The following NRXN1 variants were observed in gnomAD, a reference collection of about 807,000 sequenced individuals.
NRXN1 encodes neurexin-1.
In NRXN1, 39 loss-of-function variants were observed where a neutral mutation model predicts 150.9. The ratio of observed to expected loss-of-function variants is 0.26; its 90% CI spans 0.20 to 0.34. NRXN1 has a LOEUF of 0.34. Ranked by LOEUF, NRXN1 falls within the 10% of genes least tolerant of loss-of-function variation. The pLI, the probability that NRXN1 is intolerant of heterozygous loss-of-function variation, is 1.00. For missense variants in NRXN1, 1,815 were observed against 1,949.9 expected (o/e 0.93, Z 1.30); for synonymous variants, 924 against 757.0 (o/e 1.22, Z -3.62).
intron 5 of NRXN1, among the ~76,000 whole-genome samples, chr2:50,908,536 G>A (rs1684064301): frequency 6.6e-6 from 1 of 151,988 alleles, no homozygotes; most frequent in African/African-American, 2.4e-5. Flanking sequence ...CTGACAATTA[G>A]AGCATGCCAA....
chr2:50,915,747 T>C (rs1169001348), intron 5 of NRXN1, among the ~76,000 whole-genome samples: 1 of 151,294 alleles, frequency 6.6e-6, no homozygotes, highest in Non-Finnish European at 1.5e-5. Flanking sequence ...CGTTTTAAAA[T>C]CATTTAATCC....
intron 21 of NRXN1, among the ~76,000 whole-genome samples, chr2:50,034,579 T>A (rs895586318): frequency 2.6e-5 from 4 of 151,880 alleles, no homozygotes; most frequent in Admixed American, 2.6e-4. Context: ...ATAGTCTGTA[T>A]AACCAACCCC....
intron 12 of NRXN1, among the ~76,000 whole-genome samples, chr2:50,514,258 G>A (rs1024248438): frequency 6.6e-6 from 1 of 152,008 alleles, no homozygotes; most frequent in South Asian, 2.1e-4. Context: ...GTATAAATTG[G>A]TTCTATATTT....
intron 12 of NRXN1, among the ~76,000 whole-genome samples, chr2:50,517,665 G>A (rs2092668566): frequency 6.6e-6 from 1 of 152,076 alleles, no homozygotes; most frequent in Non-Finnish European, 1.5e-5. Context: ...TAAACTTCAT[G>A]ATGCATACAG....
intron 17 of NRXN1, among the ~76,000 whole-genome samples, chr2:50,456,628 C>A (rs1312836119): frequency 1.3e-5 from 2 of 152,056 alleles, no homozygotes; most frequent in East Asian, 1.9e-4. Context: ...TTGAATTATT[C>A]CTTAATGCAA....
chr2:50,404,663 G>A (rs1046213118), intron 17 of NRXN1, among the ~76,000 whole-genome samples: 9 of 152,146 alleles, frequency 5.9e-5, no homozygotes, highest in African/African-American at 1.9e-4. Flanking sequence ...GAGAAAATAT[G>A]GATTTCAGAG....
Position 50,497,364 on chromosome 2 carries a change from T to G in NRXN1, c.2848A>C (p.Asn950His). 6.4e-7 allele frequency: 1 copy of G among 1,552,806 alleles called. No individual in the cohort carries two copies. The highest frequency in any genetic ancestry group is 8.7e-7 in the Non-Finnish European group (1 of 1,148,370). Residue 950 changes from asparagine (N) to histidine (H), a missense_variant, in exon 14 of 23, where the codon AAT becomes CAT. Around this residue, in one of 6 missense-constraint regions of NRXN1, gnomAD observed 339 missense variants for 440.3 expected, o/e 0.77. Coordinates refer to ENST00000401669, the MANE Select transcript of NRXN1 (RefSeq NM_001330078.2). ...GLILYNSGDGNDFIVVELVKG... is the reference protein window; with the variant it reads ...GLILYNSGDGHDFIVVELVKG... ...ACTAATTCAACCACAATAAAGTCAT[T>G]TCCATCCCCACTGTTATATAGAATT...
chr2:50,131,281 TA>T (rs1188859454), intron 18 of NRXN1, among the ~76,000 whole-genome samples: 2 of 152,220 alleles, frequency 1.3e-5, no homozygotes, highest in Admixed American at 1.3e-4. Context: ...CTTAAAAGGC[TA>T]GTGTTTCAAG....
chr2:50,535,118 T>C (rs2093221960), intron 10 of NRXN1, among the ~76,000 whole-genome samples: 1 of 152,172 alleles, frequency 6.6e-6, no homozygotes, highest in South Asian at 2.1e-4. Context: ...AGACAAGAAA[T>C]GGAAAATGCA....
At chr2:50,481,651 TAA>T (rs1018651623) in intron 15 of NRXN1, among the ~76,000 whole-genome samples, 4 of 151,938 alleles carry the variant, frequency 2.6e-5, no homozygotes, top group African/African-American at 9.7e-5. Flanking sequence ...CCCAAGAAGA[TAA>T]GAGTTTAGAC....
At chr2:49,978,164 CA>C (rs796680492) in intron 21 of NRXN1, among the ~76,000 whole-genome samples, 38 of 151,880 alleles carry the variant, frequency 2.5e-4, no homozygotes, top group African/African-American at 8.0e-4. Context: ...CCATCCCCCA[CA>C]AAAAAGAAAA....
intron 18 of NRXN1, among the ~76,000 whole-genome samples, chr2:50,156,949 T>C (rs575817900): frequency 6.6e-6 from 1 of 152,190 alleles, no homozygotes; most frequent in African/African-American, 2.4e-5. Context: ...TAACAACTAA[T>C]ATTTTCATTG....
At chr2:50,838,677 G>A (rs899851731) in intron 5 of NRXN1, among the ~76,000 whole-genome samples, 2 of 152,062 alleles carry the variant, frequency 1.3e-5, no homozygotes, top group African/African-American at 4.8e-5. Flanking sequence ...GGAGAAGCTG[G>A]CTGTATGACT....
intron 15 of NRXN1, among the ~76,000 whole-genome samples, chr2:50,479,361 A>T (rs760595336): frequency 7.2e-5 from 11 of 152,070 alleles, no homozygotes; most frequent in Non-Finnish European, 1.3e-4. Flanking sequence ...GGGGGACTCA[A>T]CTCAAACTCC....
intron 5 of NRXN1, among the ~76,000 whole-genome samples, chr2:50,767,816 AT>A (rs1054240806): frequency 2.6e-5 from 4 of 152,076 alleles, no homozygotes; most frequent in African/African-American, 7.2e-5. Flanking sequence ...ATTATTAATT[AT>A]TTTTTAAATT....
intron 21 of NRXN1, among the ~76,000 whole-genome samples, chr2:49,971,243 C>G (rs1677901942): frequency 6.6e-6 from 1 of 152,016 alleles, no homozygotes; most frequent in Admixed American, 6.6e-5. Flanking sequence ...GCCCTTGTAC[C>G]TTATCAATGC....
intron 17 of NRXN1, among the ~76,000 whole-genome samples, chr2:50,258,933 C>T (rs1198932925): frequency 6.6e-6 from 1 of 152,008 alleles, no homozygotes; most frequent in Admixed American, 6.6e-5. Flanking sequence ...CAATATTGGG[C>T]TCAAAGTGTT....
At position 51,027,431 on chromosome 2, in the gene NRXN1, A is replaced by T. The variant is rs1670683201; in HGVS notation, c.772+71T>A. 2.1e-6 allele frequency: 3 copies of T among 1,430,308 alleles called. No individual in the cohort carries two copies. In the East Asian group the frequency reaches 7.5e-5, roughly 36 times the overall value. The allele number at this position is 1,430,308 out of a possible 1,614,324, so 88.6% of individuals were successfully genotyped here. Reference sequence around the variant, plus strand: ...TGCCAAGATTAGGAAGACCCCATGCACCAGCCCGGTCCCCTCCTCCCCGAG... The same window carrying T: ...TGCCAAGATTAGGAAGACCCCATGCTCCAGCCCGGTCCCCTCCTCCCCGAG... On this transcript the variant is annotated intron_variant, in intron 2 of 22. Transcript: ENST00000401669.
At chr2:50,076,943 T>G (rs1164725284) in intron 19 of NRXN1, among the ~76,000 whole-genome samples, 1 of 152,164 alleles carries the variant, frequency 6.6e-6, no homozygotes, top group Non-Finnish European at 1.5e-5. Flanking sequence ...AATAACATTT[T>G]ATGAATTATT....
Sources: gnomAD v4.1 joint callset for allele counts (sites outside exome capture counted in the v4.1 genomes callset) on GRCh38, gnomAD v4.1.1 for gene constraint, gnomAD v4.1.1 regional missense constraint, MANE v1.5 for transcripts, NCBI Gene and HGNC (gene_info 2026-07-23, HGNC 2026-07-21) for gene names.